Variants in GRIK2 observed in about 807,000 individuals in gnomAD.
GRIK2 encodes glutamate ionotropic receptor kainate type subunit 2.
In GRIK2, 32 loss-of-function variants were observed where a neutral mutation model predicts 100.3. The ratio of observed to expected loss-of-function variants is 0.32; its 90% CI spans 0.24 to 0.43. GRIK2 has a LOEUF of 0.43. GRIK2 is among the 20% of genes least tolerant of loss of function. GRIK2 has a pLI of 1.00. For missense variants in GRIK2, 843 were observed against 1,114.9 expected, an observed-to-expected ratio of 0.76 and a Z score of 3.47; for synonymous variants, 417 against 389.4, an observed-to-expected ratio of 1.07 and a Z score of -0.83.
intron 7 of GRIK2, among the ~76,000 whole-genome samples, chr6:101,687,965 T>A (rs1032939960): frequency 3.3e-5 from 5 of 150,356 alleles, no homozygotes; most frequent in Admixed American, 6.7e-5. Flanking sequence ...AGATGGTGAA[T>A]CAAACTTTTG....
At chr6:101,593,406 G>C (rs1778770129) in intron 2 of GRIK2, among the ~76,000 whole-genome samples, 1 of 151,744 alleles carries the variant, frequency 6.6e-6, no homozygotes, top group South Asian at 2.1e-4. Context: ...TAAGATTTCT[G>C]TAGTTATTTA....
chr6:101,936,851 G>A (rs1275417708), intron 14 of GRIK2, among the ~76,000 whole-genome samples: 1 of 152,132 alleles, frequency 6.6e-6, no homozygotes, highest in African/African-American at 2.4e-5. Flanking sequence ...TATCTATAGT[G>A]AGAACATTGG....
chr6:101,510,332 G>A (rs1461231739), intron 2 of GRIK2, among the ~76,000 whole-genome samples: 1 of 151,974 alleles, frequency 6.6e-6, no homozygotes, highest in East Asian at 1.9e-4. Context: ...GTATGATGGC[G>A]ATTTTCTCAG....
At chr6:101,845,760 A>G (rs901829072) in intron 10 of GRIK2, among the ~76,000 whole-genome samples, 1 of 152,144 alleles carries the variant, frequency 6.6e-6, no homozygotes, top group African/African-American at 2.4e-5. Context: ...GCAGCTGCAC[A>G]ATTTCACTTT....
intron 11 of GRIK2, among the ~76,000 whole-genome samples, chr6:101,877,452 G>T (rs1209647859): frequency 6.6e-6 from 1 of 151,802 alleles, no homozygotes; most frequent in Non-Finnish European, 1.5e-5. Flanking sequence ...TATACAGGAG[G>T]ATGTGCATAG....
At chr6:101,625,278 C>T (rs1780376076) in intron 3 of GRIK2, among the ~76,000 whole-genome samples, 1 of 152,028 alleles carries the variant, frequency 6.6e-6, no homozygotes, top group East Asian at 1.9e-4. Context: ...GAGGCTGAGG[C>T]AGGAGAATCG....
At chr6:101,820,010 T>G (rs940943590) in intron 10 of GRIK2, among the ~76,000 whole-genome samples, 14 of 152,180 alleles carry the variant, frequency 9.2e-5, no homozygotes, top group Admixed American at 7.2e-4. Flanking sequence ...TCTCTCACCT[T>G]TTTATCTTCA....
chr6:101,780,281 C>T (rs1272089060), intron 7 of GRIK2, among the ~76,000 whole-genome samples: 1 of 152,270 alleles, frequency 6.6e-6, no homozygotes, highest in East Asian at 1.9e-4. Flanking sequence ...AGTTTCCCCT[C>T]CTTTGCCCAT....
chr6:101,636,173 A>G (rs1198617327), intron 4 of GRIK2, among the ~76,000 whole-genome samples: 1 of 152,182 alleles, frequency 6.6e-6, no homozygotes, highest in African/African-American at 2.4e-5. Flanking sequence ...GCAGCCATAA[A>G]AAAAAGGATG....
intron 2 of GRIK2, among the ~76,000 whole-genome samples, chr6:101,586,892 CAAAAAA>C (rs1199378638): frequency 3.5e-4 from 19 of 53,970 alleles, no homozygotes; most frequent in African/African-American, 1.1e-3. Context: ...TCTGTCTTAA[CAAAAAA>C]AAAAAAAAAA....
At chr6:101,795,160 C>T (rs1780207808) in intron 7 of GRIK2, among the ~76,000 whole-genome samples, 1 of 152,154 alleles carries the variant, frequency 6.6e-6, no homozygotes, top group Admixed American at 6.5e-5. Flanking sequence ...AGCCACCATA[C>T]CCGGCCAGCT....
intron 2 of GRIK2, among the ~76,000 whole-genome samples, chr6:101,508,733 G>A (rs571285519): frequency 5.3e-5 from 8 of 152,234 alleles, no homozygotes; most frequent in African/African-American, 1.9e-4. Flanking sequence ...TAGGAAATCA[G>A]TTTGATATGT....
intron 11 of GRIK2, among the ~76,000 whole-genome samples, chr6:101,888,073 A>G (rs1277235812): frequency 6.6e-6 from 1 of 152,150 alleles, no homozygotes; most frequent in Non-Finnish European, 1.5e-5. Context: ...GAACCTCTAG[A>G]TTCTGAAAGA....
intron 2 of GRIK2, among the ~76,000 whole-genome samples, chr6:101,464,215 G>A (rs1771491058): frequency 6.6e-6 from 1 of 152,104 alleles, no homozygotes; most frequent in South Asian, 2.1e-4. Context: ...CTAGCAAAAC[G>A]CAGAATATCT....
intron 2 of GRIK2, among the ~76,000 whole-genome samples, chr6:101,459,107 A>AT (rs34684611): frequency 6.7e-5 from 10 of 149,218 alleles, no homozygotes; most frequent in Admixed American, 1.3e-4. Flanking sequence ...CCAGAACACC[A>AT]TTTTTTTTTT....
chr6:101,474,772 T>C (rs569021425), intron 2 of GRIK2, among the ~76,000 whole-genome samples: 1 of 151,860 alleles, frequency 6.6e-6, no homozygotes, highest in Non-Finnish European at 1.5e-5. Context: ...AGTCATAGCG[T>C]ACAAATTAGA....
intron 2 of GRIK2, among the ~76,000 whole-genome samples, chr6:101,613,587 C>T (rs74478315): frequency 2.4e-3 from 363 of 151,498 alleles, no homozygotes; most frequent in African/African-American, 8.2e-3. Flanking sequence ...CAAACATAAA[C>T]TTTTTAAACA....
intron 7 of GRIK2, among the ~76,000 whole-genome samples, chr6:101,787,726 T>C (rs560996908): frequency 5.9e-5 from 9 of 152,280 alleles, no homozygotes; most frequent in South Asian, 2.1e-4. Context: ...TGGCCTTACA[T>C]TGTTTTTCCT....
At chr6:101,808,609 T>C (rs1349895474) in intron 9 of GRIK2, among the ~76,000 whole-genome samples, 1 of 151,992 alleles carries the variant, frequency 6.6e-6, no homozygotes, top group Non-Finnish European at 1.5e-5. Context: ...AGCATCAAAT[T>C]TTGCCAATCT....
Sources: allele counts gnomAD v4.1 joint callset (sites outside exome capture counted in the v4.1 genomes callset), GRCh38; gene constraint gnomAD v4.1.1; transcripts MANE v1.5; gene names NCBI Gene and HGNC (gene_info 2026-07-23, HGNC 2026-07-21).